IQCM: variants seen among roughly 807,000 people sequenced by gnomAD.
IQCM encodes the protein IQ motif containing M, also known as IQ domain-containing protein M.
Under a neutral mutation model 57.6 loss-of-function variants are expected in IQCM, and 45 were observed. That is an observed-to-expected ratio of 0.78 (90% confidence interval 0.62 to 1.00). The LOEUF (loss-of-function observed/expected upper bound fraction) is 1.00, where lower values mean the gene tolerates loss of function less well. Ranked by LOEUF, IQCM falls within the 50% of genes least tolerant of loss-of-function variation. The pLI, the probability that IQCM is intolerant of heterozygous loss-of-function variation, is 0.00. For synonymous variants in IQCM, 148 were observed against 158.9 expected (o/e 0.93, Z 0.51); for missense variants, 468 against 511.6 (o/e 0.91, Z 0.82).
chr4:149,419,275 T>G, intron 13 of IQCM, among the ~76,000 whole-genome samples: 1 of 152,236 alleles, frequency 6.6e-6, no homozygotes, highest in South Asian at 2.1e-4. Context: ...AACAGCATGG[T>G]ACTTGTATAA....
chr4:149,682,225 T>A lies in IQCM; in HGVS notation c.477-19A>T. On this transcript the variant is annotated intron_variant, in intron 6 of 13. Transcript: ENST00000636793. ...TCTGTTTCTGAAACATTAAGTTGGA[T>A]CTTTAAGTAATTTGATAGTCCCTAT... 1 of 1,080,976 alleles carries A rather than the reference T, an allele frequency of 9.3e-7. No individual in the cohort carries two copies. The highest frequency in any genetic ancestry group is 4.7e-5 in the South Asian group (1 of 21,172). 67.0% of individuals were successfully genotyped at this position (1,080,976 alleles called of 1,614,324 possible).
intron 9 of IQCM, among the ~76,000 whole-genome samples, chr4:149,585,040 A>G (rs1178973660): frequency 6.6e-6 from 1 of 151,744 alleles, no homozygotes. Context: ...TGCCAACTGT[A>G]AAGGGTTCCC....
At chr4:149,733,985 A>G (rs765093492) in intron 4 of IQCM, among the ~76,000 whole-genome samples, 6 of 152,182 alleles carry the variant, frequency 3.9e-5, no homozygotes, top group Non-Finnish European at 7.4e-5. Flanking sequence ...ACCTCTCAAA[A>G]AGAGCATACT....
At chr4:149,700,929 G>C (rs1035444275) in intron 5 of IQCM, among the ~76,000 whole-genome samples, 4 of 151,958 alleles carry the variant, frequency 2.6e-5, no homozygotes, top group African/African-American at 7.2e-5. Context: ...TACCTGGCAG[G>C]ACTCCTGAGT....
chr4:149,686,396 T>C lies in IQCM; in HGVS notation c.458A>G (p.Gln153Arg). Reference protein sequence around the residue: ...VSKKMETAKQQHFEESRNRML... With the variant: ...VSKKMETAKQRHFEESRNRML... ...ACATTACCTGGACTCCTCAAAGTGC[T>C]GTTGCTTTGCTGTCTCCATTTTTTT... The change falls in exon 6 of 14, where the codon CAG (glutamine) becomes CGG (arginine). Residue 153 changes from glutamine to arginine, a missense_variant. By Grantham distance (43) the Gln-to-Arg change is conservative. Coordinates refer to ENST00000636793, the MANE Select transcript of IQCM (RefSeq NM_001363507.2). 8.2e-7 allele frequency: 1 copy of C among 1,222,354 alleles called. No individual in the cohort carries two copies. Among genetic ancestry groups the C allele is most frequent in the Non-Finnish European group, 1.0e-6 (1 of 979,504 alleles). 75.7% of individuals were successfully genotyped at this position (1,222,354 alleles called of 1,614,324 possible).
chr4:149,423,009 G>A lies in IQCM; in HGVS notation c.1390+10387C>T, dbSNP rs147269422. Among the ~76,000 whole-genome samples, 654 of 152,100 alleles carry A rather than the reference G, an allele frequency of 4.3e-3. 6 individuals carry two copies. Among genetic ancestry groups the A allele is most frequent in the South Asian group, 0.015 (73 of 4,814 alleles). ...AGGACATTATAGTTGATCACTGTATGATGAAATAGTGTTAATCCTAGTAAA... is the reference window on the plus strand; with the variant it reads ...AGGACATTATAGTTGATCACTGTATAATGAAATAGTGTTAATCCTAGTAAA... On this transcript the variant is annotated intron_variant, in intron 13 of 13. Transcript: ENST00000636793.
In IQCM at chr4:149,735,456, G is replaced by A. The variant is rs1488327125; in HGVS notation, c.40C>T (p.Pro14Ser). ...EEAMPEKAKC[P>S]TLEITKQDFF... is the part of the protein sequence containing the mutation. ...TCTTGCTTGGTGATCTCTAATGTAG[G>A]ACCTAATATACAAACAGAGAAACAT... Residue 14 changes from proline to serine, a missense_variant and splice_region_variant, in exon 4 of 14, where the codon CCT becomes TCT. Pro to Ser is a moderately conservative substitution (Grantham distance 74, BLOSUM62 -1). Coordinates refer to ENST00000636793, the MANE Select transcript of IQCM (RefSeq NM_001363507.2). 1.7e-6 allele frequency: 2 copies of A among 1,184,446 alleles called. No homozygotes were observed. The highest frequency in any genetic ancestry group is 2.1e-6 in the Non-Finnish European group (2 of 944,230). The allele number at this position is 1,184,446 out of a possible 1,614,324, so 73.4% of individuals were successfully genotyped here.
intron 7 of IQCM, among the ~76,000 whole-genome samples, chr4:149,627,960 C>T (rs2150086741): frequency 6.6e-6 from 1 of 152,152 alleles, no homozygotes; most frequent in African/African-American, 2.4e-5. Context: ...TGCAGGTGGC[C>T]TCCAGAAGCT....
At chr4:149,447,320 C>A (rs908185281) in intron 12 of IQCM, among the ~76,000 whole-genome samples, 1 of 151,534 alleles carries the variant, frequency 6.6e-6, no homozygotes, top group African/African-American at 2.4e-5. Context: ...TAGGAAAATA[C>A]AACTCATACT....
chr4:149,354,147 G>A (rs1316973658), intron 13 of IQCM, among the ~76,000 whole-genome samples: 2 of 151,132 alleles, frequency 1.3e-5, no homozygotes, highest in Admixed American at 6.6e-5. Flanking sequence ...GGTGGATCAC[G>A]AGGTCAGGAG....
At chr4:149,599,106 CAT>C (rs928717112) in intron 8 of IQCM, among the ~76,000 whole-genome samples, 8 of 151,986 alleles carry the variant, frequency 5.3e-5, no homozygotes, top group African/African-American at 1.7e-4. Context: ...CTTCGGGAGA[CAT>C]ATAAAAGAAT....
intron 13 of IQCM, among the ~76,000 whole-genome samples, chr4:149,388,154 T>C (rs1731557289): frequency 6.6e-6 from 1 of 151,972 alleles, no homozygotes; most frequent in Non-Finnish European, 1.5e-5. Flanking sequence ...TAGTTGTTGA[T>C]GAGTTTTATA....
At chr4:149,723,624 C>T (rs940820493) in intron 5 of IQCM, among the ~76,000 whole-genome samples, 2 of 151,934 alleles carry the variant, frequency 1.3e-5, no homozygotes, top group African/African-American at 2.4e-5. Context: ...TCCCTGCACC[C>T]CTGGGATGAA....
chr4:149,503,213 C>G (rs1195328219), intron 12 of IQCM, among the ~76,000 whole-genome samples: 1 of 151,982 alleles, frequency 6.6e-6, no homozygotes, highest in Non-Finnish European at 1.5e-5. Flanking sequence ...AGAGCAAGAC[C>G]CTGTCTCTAC....
Position 149,679,978 on chromosome 4 carries a change from C to T in IQCM, c.565+2140G>A, listed in dbSNP as rs1004259934. 7.3e-5 allele frequency among the ~76,000 whole-genome samples: 11 copies of T among 151,398 alleles called. No individual in the cohort carries two copies. The East Asian group carries it at 1.4e-3, about 19-fold the overall frequency. ...TCTTAAATTATTCCAAAAAAATGAA[C>T]ATTTTTCACATTTTACTAATAGCTT... On this transcript the variant is annotated intron_variant, in intron 7 of 13. Coordinates refer to ENST00000636793, the MANE Select transcript of IQCM (RefSeq NM_001363507.2).
At chr4:149,636,590 AC>A (rs1420531240) in intron 7 of IQCM, among the ~76,000 whole-genome samples, 1 of 152,188 alleles carries the variant, frequency 6.6e-6, no homozygotes, top group Non-Finnish European at 1.5e-5. Flanking sequence ...CCCCACCTCT[AC>A]ACTGATAGCA....
intron 7 of IQCM, among the ~76,000 whole-genome samples, chr4:149,675,773 C>G (rs1299489522): frequency 6.6e-6 from 1 of 151,928 alleles, no homozygotes; most frequent in East Asian, 1.9e-4. Context: ...TTGCCAGGAG[C>G]TGACTTTAGG....
intron 12 of IQCM, among the ~76,000 whole-genome samples, chr4:149,483,186 G>T (rs1741101827): frequency 6.6e-6 from 1 of 151,578 alleles, no homozygotes; most frequent in Admixed American, 6.6e-5. Context: ...GTTTGGCTAA[G>T]GGTTTGTTGA....
Position 149,553,181 on chromosome 4 carries a change from T to C in IQCM, c.1055A>G (p.Asn352Ser), listed in dbSNP as rs1408227865. Residue 352 changes from asparagine to serine, a missense_variant, in exon 11 of 14, where the codon AAC becomes AGC. Coordinates refer to ENST00000636793, the MANE Select transcript of IQCM (RefSeq NM_001363507.2). The stretch of plus-strand genomic sequence containing the variant: ...CATCCACTCCTCTAGCTCTGCTAAG[T>C]TGAGAATTTGTCTTGTCCTCCAAAG... ...RGLWRTRQILNLAELEEWMDR... is the reference protein window; with the variant it reads ...RGLWRTRQILSLAELEEWMDR... The C allele has an allele frequency of 1.6e-6, 2 of 1,231,922 alleles. No individual in the cohort carries two copies. The highest frequency in any genetic ancestry group is 3.1e-5 in the African/African-American group (2 of 64,432). 76.3% of individuals were successfully genotyped at this position (1,231,922 alleles called of 1,614,324 possible).
Sources: allele counts gnomAD v4.1 joint callset (sites outside exome capture counted in the v4.1 genomes callset), GRCh38; gene constraint gnomAD v4.1.1; transcripts MANE v1.5; gene names NCBI Gene and HGNC (gene_info 2026-07-23, HGNC 2026-07-21).